Variants in NT5C2 observed in about 807,000 individuals in gnomAD.
NT5C2 encodes the protein 5'-nucleotidase, cytosolic II, also known as cytosolic purine 5'-nucleotidase.
Under a neutral mutation model 76.1 loss-of-function variants are expected in NT5C2, and 58 were observed. The ratio of observed to expected loss-of-function variants is 0.76; its 90% CI spans 0.62 to 0.95. The LOEUF is 0.95. Among genes scored for constraint, NT5C2 ranks in the 40% least tolerant of loss-of-function variants. The pLI, the probability that NT5C2 is intolerant of heterozygous loss-of-function variation, is 0.00. For synonymous variants in NT5C2, 229 were observed against 237.4 expected (o/e 0.96, Z 0.32); for missense variants, 478 against 690.3 (o/e 0.69, Z 3.45).
intron 6 of NT5C2, among the ~76,000 whole-genome samples, chr10:103,104,311 T>A (rs544606594): frequency 6.6e-6 from 1 of 152,346 alleles, no homozygotes; most frequent in Non-Finnish European, 1.5e-5. Context: ...AGTCTGTGGA[T>A]CTTGAGTTGG....
At chr10:103,174,596 GA>G (rs879335422) in intron 3 of NT5C2, among the ~76,000 whole-genome samples, 3 of 151,380 alleles carry the variant, frequency 2.0e-5, no homozygotes, top group South Asian at 2.1e-4. Flanking sequence ...AAAAAAGAAA[GA>G]AAAAAAAATT....
intron 4 of NT5C2, among the ~76,000 whole-genome samples, chr10:103,135,529 C>T (rs1286447317): frequency 6.6e-6 from 1 of 152,130 alleles, no homozygotes; most frequent in Admixed American, 6.5e-5. Flanking sequence ...AATCCCAGCA[C>T]TTTGGGAGGC....
At chr10:103,097,240 T>C (rs1564938897) in intron 11 of NT5C2, 51 bp downstream of exon 11, 1 of 1,335,470 alleles carries the variant, frequency 7.5e-7, no homozygotes, top group Non-Finnish European at 1.1e-6. Flanking sequence ...CACAGTTCTT[T>C]AGGCCAAAAT....
intron 4 of NT5C2, among the ~76,000 whole-genome samples, chr10:103,136,143 C>T (rs1358556635): frequency 6.6e-6 from 1 of 152,148 alleles, no homozygotes; most frequent in Non-Finnish European, 1.5e-5. Flanking sequence ...TGTCTATCAG[C>T]AGCATGAAAA....
chr10:103,129,933 G>A (rs2077741974), intron 4 of NT5C2, among the ~76,000 whole-genome samples: 1 of 118,552 alleles, frequency 8.4e-6, no homozygotes, highest in Non-Finnish European at 1.8e-5. Context: ...GGAGGTGGGG[G>A]GGGTCAGCCC....
At chr10:103,106,500 T>A (rs1318605211) in intron 5 of NT5C2, 89 bp downstream of exon 5, 1 of 814,850 alleles carries the variant, frequency 1.2e-6, no homozygotes, top group Non-Finnish European at 2.0e-6. Context: ...GGGGTTTTTT[T>A]GTTAAGGATA....
At chr10:103,153,335 T>C (rs1201612349) in intron 3 of NT5C2, 8 of 1,279,464 alleles carry the variant, frequency 6.3e-6, no homozygotes, top group South Asian at 1.3e-5. Flanking sequence ...TGGATGAGAA[T>C]ACAGGATCAA....
At chr10:103,144,092 G>C (rs901094303) in intron 3 of NT5C2, among the ~76,000 whole-genome samples, 2 of 152,072 alleles carry the variant, frequency 1.3e-5, no homozygotes, top group African/African-American at 2.4e-5. Flanking sequence ...AAATCCTTTT[G>C]AAAGTACAAC....
intron 3 of NT5C2, chr10:103,153,896 G>A (rs11191582): frequency 0.073 from 45,201 of 623,274 alleles, 2,295 homozygotes; most frequent in East Asian, 0.25. Flanking sequence ...TTTCCACAGC[G>A]AGGTATTTTT....
chr10:103,104,968 C>CATAACAGTAGAGAAAATGT (rs1159460958), intron 6 of NT5C2, among the ~76,000 whole-genome samples: 49 of 152,068 alleles, frequency 3.2e-4, no homozygotes, highest in Middle Eastern at 6.8e-3. Context: ...AATAAGGTGG[C>CATAACAGTAGAGAAAATGT]ATAACAGTAG....
chr10:103,121,403 C>T (rs1314563057), intron 4 of NT5C2, among the ~76,000 whole-genome samples: 1 of 152,058 alleles, frequency 6.6e-6, no homozygotes, highest in Non-Finnish European at 1.5e-5. Flanking sequence ...ATTTAAGCAC[C>T]TCCAATGCCA....
chr10:103,186,818 C>G (rs972508577), intron 1 of NT5C2, among the ~76,000 whole-genome samples: 1 of 149,702 alleles, frequency 6.7e-6, no homozygotes, highest in African/African-American at 2.5e-5. Flanking sequence ...GAGGCTGAGG[C>G]AGAGGAACAG....
chr10:103,154,374 C>T (rs1215915876), intron 3 of NT5C2, among the ~76,000 whole-genome samples: 2 of 151,636 alleles, frequency 1.3e-5, no homozygotes, highest in Non-Finnish European at 2.9e-5. Context: ...ATTAAAAGCA[C>T]TACTAAATAC....
intron 1 of NT5C2, among the ~76,000 whole-genome samples, chr10:103,183,260 G>GATATATATATATATATA (rs1177155271): frequency 2.6e-5 from 1 of 38,796 alleles, no homozygotes; most frequent in African/African-American, 1.2e-4. Context: ...ATGTGTGTGT[G>GATATATATATATATATA]TGATATATAT....
At chr10:103,171,827 G>T (rs12219304) in intron 3 of NT5C2, among the ~76,000 whole-genome samples, 3 of 152,100 alleles carry the variant, frequency 2.0e-5, no homozygotes, top group Non-Finnish European at 4.4e-5. Flanking sequence ...GGGAGACCAA[G>T]GCTGGAGGAA....
chr10:103,126,639 CA>C (rs979819636), intron 4 of NT5C2, among the ~76,000 whole-genome samples: 1 of 151,844 alleles, frequency 6.6e-6, no homozygotes, highest in Non-Finnish European at 1.5e-5. Flanking sequence ...AAAAAACAAA[CA>C]AAAAAACATA....
intron 3 of NT5C2, among the ~76,000 whole-genome samples, chr10:103,147,191 T>C (rs892413475): frequency 6.6e-6 from 1 of 152,226 alleles, no homozygotes; most frequent in Non-Finnish European, 1.5e-5. Context: ...TATCACTCTC[T>C]TAAGAACTTT....
At chr10:103,124,301 G>A (rs903509487) in intron 4 of NT5C2, among the ~76,000 whole-genome samples, 4 of 151,698 alleles carry the variant, frequency 2.6e-5, no homozygotes, top group African/African-American at 9.7e-5. Context: ...AACATGCTCT[G>A]TTGCCAAAAT....
At chr10:103,104,431 C>T (rs1171398691) in intron 6 of NT5C2, among the ~76,000 whole-genome samples, 1 of 152,224 alleles carries the variant, frequency 6.6e-6, no homozygotes, top group Non-Finnish European at 1.5e-5. Flanking sequence ...CCTGGTTCAT[C>T]TTCATTGAGA....
Sources: gnomAD v4.1 joint callset for allele counts (sites outside exome capture counted in the v4.1 genomes callset) on GRCh38, gnomAD v4.1.1 for gene constraint, MANE v1.5 for transcripts, NCBI Gene and HGNC (gene_info 2026-07-23, HGNC 2026-07-21) for gene names.